Variants in PPP2R1B observed in about 807,000 individuals in gnomAD.
PPP2R1B encodes the protein serine/threonine-protein phosphatase 2A 65 kDa regulatory subunit A beta isoform.
In PPP2R1B, 58 loss-of-function variants were observed where a neutral mutation model predicts 72.7. The observed-to-expected ratio is 0.80, with a 90% CI of 0.65 to 0.99. The LOEUF is 0.99. Among genes scored for constraint, PPP2R1B ranks in the 50% least tolerant of loss-of-function variants. PPP2R1B has a pLI of 0.00. For synonymous variants in PPP2R1B, 256 were observed against 264.6 expected, an observed-to-expected ratio of 0.97 and a Z score of 0.32; for missense variants, 695 against 733.6, an observed-to-expected ratio of 0.95 and a Z score of 0.61.
At chr11:111,765,853 G>A (rs1396151188) in intron 1 of PPP2R1B, 3 of 480,256 alleles carry the variant, frequency 6.2e-6, no homozygotes. Context: ...GCACTTCAAA[G>A]GGCTTCTGGG....
rs1555048124 is a variant in PPP2R1B at position 111,752,158 on chromosome 11, C to T, written c.1338+1G>A. 1 of 1,604,592 alleles carries T rather than the reference C, an allele frequency of 6.2e-7. No individual in the cohort carries two copies. Among genetic ancestry groups the T allele is most frequent in the South Asian group, 1.1e-5 (1 of 89,256 alleles). On this transcript the variant is annotated splice_donor_variant, in intron 10 of 14. Coordinates refer to ENST00000527614, the MANE Select transcript of PPP2R1B (RefSeq NM_002716.5). LOFTEE classifies it high-confidence loss of function. ...CAGTTCATGGAGCAACACATACTCA[C>T]CAGCTGGCCTGCCAGCAGCGGCATA...
At chr11:111,754,834 A>G in intron 7 of PPP2R1B, 146 bp downstream of exon 7, 1 of 859,466 alleles carries the variant, frequency 1.2e-6, no homozygotes, top group South Asian at 2.0e-5. Flanking sequence ...ACTATCTTTA[A>G]GTGACAATGT....
the PPP2R1B span, chr11:111,720,800 G>T: frequency 6.4e-7 from 1 of 1,571,332 alleles, no homozygotes; most frequent in South Asian, 1.2e-5. Context: ...AACTCGCGTC[G>T]TAGGAGAGCA....
At chr11:111,695,946 G>A in the PPP2R1B span, among the ~76,000 whole-genome samples, 1 of 152,134 alleles carries the variant, frequency 6.6e-6, no homozygotes, top group African/African-American at 2.4e-5. Flanking sequence ...GACCATATAG[G>A]TCAGTCAGTC....
At chr11:111,753,203 G>C (rs782043940) in intron 9 of PPP2R1B, among the ~76,000 whole-genome samples, 7 of 152,078 alleles carry the variant, frequency 4.6e-5, no homozygotes, top group Non-Finnish European at 4.4e-5. Flanking sequence ...GGAGTATAAA[G>C]CAAAAATCAG....
chr11:111,704,841 T>C, the PPP2R1B span: 6 of 866,664 alleles, frequency 6.9e-6, no homozygotes, highest in Non-Finnish European at 9.9e-6. Flanking sequence ...AGTCACATTT[T>C]TGGAGCAGCT....
At chr11:111,758,485 G>A (rs1945206308) in intron 5 of PPP2R1B, among the ~76,000 whole-genome samples, 1 of 152,150 alleles carries the variant, frequency 6.6e-6, no homozygotes, top group Non-Finnish European at 1.5e-5. Flanking sequence ...AGCTTCTTGG[G>A]AGGCTGAGGC....
Position 111,766,296 on chromosome 11 carries a change from T to C in PPP2R1B, c.66A>G (p.Leu22=), listed in dbSNP as rs76082838. The C allele has an allele frequency of 5.0e-3, 8,060 of 1,596,368 alleles. 195 individuals carry two copies. In the East Asian group the frequency reaches 0.065, roughly 13 times the overall value. Residue 22 remains leucine (L), a synonymous_variant, in exon 1 of 15, where the codon CTA becomes CTG. Coordinates refer to ENST00000527614, the MANE Select transcript of PPP2R1B (RefSeq NM_002716.5). The part of the protein sequence containing the change: ...GAAGGDGDDS[L]YPIAVLIDEL... ...CGTCGATTAAAACCGCGATCGGGTA[T>C]AGCGAATCATCTCCATCTCCACCCG...
At chr11:111,722,081 TG>T (rs949056723), downstream of PPP2R1B, 8 of 573,330 alleles carry the variant, frequency 1.4e-5, no homozygotes, top group African/African-American at 1.3e-4. The surrounding 1 kb of genome is among the most constrained non-coding windows in gnomAD (Gnocchi z 4.4). Context: ...ACTCTGTACT[TG>T]GAGTTTCTAG....
the PPP2R1B span, among the ~76,000 whole-genome samples, chr11:111,688,625 C>T: frequency 1.1e-4 from 16 of 152,126 alleles, no homozygotes; most frequent in Admixed American, 7.9e-4. The surrounding 1 kb of genome is among the most constrained non-coding windows in gnomAD (Gnocchi z 4.2). Flanking sequence ...TGATCTGATA[C>T]GATAGGGTTT....
At position 111,759,927 on chromosome 11, in the gene PPP2R1B, A is replaced by C; in HGVS notation, c.564T>G (p.Asp188Glu). ...IRQQFRSLCS[D>E]DTPMVRRAAA... Reference sequence around the variant, plus strand: ...CAGCACGTCGTACCATTGGTGTGTCATCTGAGCACAAGGAACGGAATTGCC... The same window carrying C: ...CAGCACGTCGTACCATTGGTGTGTCCTCTGAGCACAAGGAACGGAATTGCC... Residue 188 changes from aspartate (D) to glutamate (E), a missense_variant, in exon 5 of 15, where the codon GAT (aspartate) becomes GAG (glutamate). Physicochemically the swap from Asp to Glu is conservative, Grantham distance 45. Coordinates refer to ENST00000527614, the MANE Select transcript of PPP2R1B (RefSeq NM_002716.5). The C allele has an allele frequency of 1.2e-6, 2 of 1,614,068 alleles. No individual in the cohort carries two copies. The highest frequency in any genetic ancestry group is 1.7e-6 in the Non-Finnish European group (2 of 1,179,978).
the PPP2R1B span, among the ~76,000 whole-genome samples, chr11:111,691,858 C>A: frequency 6.6e-6 from 1 of 152,208 alleles, no homozygotes; most frequent in Non-Finnish European, 1.5e-5. Flanking sequence ...AAAAGCTTAA[C>A]TCTGCTCTTA....
At chr11:111,724,168 AGT>A, downstream of PPP2R1B, 1 of 1,579,746 alleles carries the variant, frequency 6.3e-7, no homozygotes, top group Non-Finnish European at 8.6e-7. Context: ...GTGAAGGAAG[AGT>A]GTATGTTCCT....
the PPP2R1B span, chr11:111,712,212 C>T: frequency 2.5e-6 from 4 of 1,614,052 alleles, no homozygotes; most frequent in South Asian, 4.4e-5. Context: ...TATTTACAGG[C>T]ACAGACTGTG....
chr11:111,688,191 G>A, the PPP2R1B span: 1 of 1,612,662 alleles, frequency 6.2e-7, no homozygotes, highest in Non-Finnish European at 8.5e-7. The surrounding 1 kb of genome is among the most constrained non-coding windows in gnomAD (Gnocchi z 4.2). Flanking sequence ...GCTCTAATAA[G>A]ATCCGAAGTG....
At chr11:111,757,362 A>C (rs1415869105) in intron 5 of PPP2R1B, among the ~76,000 whole-genome samples, 1 of 152,194 alleles carries the variant, frequency 6.6e-6, no homozygotes, top group Non-Finnish European at 1.5e-5. Context: ...GTGTATCAAC[A>C]ATAACTGACT....
At chr11:111,748,410 A>C (rs1409712475) in intron 10 of PPP2R1B, among the ~76,000 whole-genome samples, 9 of 152,218 alleles carry the variant, frequency 5.9e-5, no homozygotes, top group African/African-American at 1.9e-4. Flanking sequence ...CTTTTTGGTT[A>C]CTATTATGAC....
chr11:111,714,404 A>T, the PPP2R1B span, among the ~76,000 whole-genome samples: 1 of 152,208 alleles, frequency 6.6e-6, no homozygotes, highest in Non-Finnish European at 1.5e-5. Flanking sequence ...ACTGCTGAAG[A>T]TATTTGAGCA....
chr11:111,689,518 G>GT, the PPP2R1B span, among the ~76,000 whole-genome samples: 1 of 152,142 alleles, frequency 6.6e-6, no homozygotes, highest in Non-Finnish European at 1.5e-5. Context: ...TTTGACTTGG[G>GT]TTTTGAAGAG....
Sources: allele counts gnomAD v4.1 joint callset (sites outside exome capture counted in the v4.1 genomes callset), GRCh38; gene constraint gnomAD v4.1.1; non-coding constraint Gnocchi (gnomAD v3.1); transcripts MANE v1.5; gene names NCBI Gene and HGNC (gene_info 2026-07-23, HGNC 2026-07-21).